The following ZMYM1 variants were observed in gnomAD, a reference collection of about 807,000 sequenced individuals.
ZMYM1 encodes the protein zinc finger MYM-type protein 1.
Under a neutral mutation model 60.0 loss-of-function variants are expected in ZMYM1, and 39 were observed. The observed-to-expected ratio is 0.65, with a 90% confidence interval of 0.50 to 0.85. The LOEUF is 0.85. Ranked by LOEUF, ZMYM1 falls within the 40% of genes least tolerant of loss-of-function variation. ZMYM1 has a pLI of 0.00. For missense variants in ZMYM1, 1,171 were observed against 1,309.5 expected (o/e 0.89, Z 1.63); for synonymous variants, 413 against 454.0 (o/e 0.91, Z 1.15).
intron 2 of ZMYM1, 64 bp from the exon 3 acceptor site, chr1:35,095,755 T>C: frequency 7.6e-7 from 1 of 1,319,082 alleles, no homozygotes; most frequent in South Asian, 1.4e-5. Flanking sequence ...TTCTGTTGAA[T>C]GACTGGTTGT....
At chr1:35,108,237 T>A (rs559447805) in intron 6 of ZMYM1, among the ~76,000 whole-genome samples, 13 of 152,264 alleles carry the variant, frequency 8.5e-5, no homozygotes, top group African/African-American at 3.1e-4. Flanking sequence ...AAAATAGAAA[T>A]TTTCGAAATT....
intron 1 of ZMYM1, among the ~76,000 whole-genome samples, chr1:35,092,825 A>G (rs1171986471): frequency 1.3e-5 from 2 of 151,412 alleles, no homozygotes; most frequent in Non-Finnish European, 2.9e-5. Context: ...GGATTTCAGC[A>G]TGTTGACCAG....
chr1:35,111,829 A>G lies in ZMYM1; in HGVS notation c.1019A>G (p.Asp340Gly), dbSNP rs772994640. 1 of 1,609,034 alleles carries G rather than the reference A, an allele frequency of 6.2e-7. No individual in the cohort carries two copies. ...ACAGAGCTTCTTTCTCCAAAGAAAG[A>G]TACGACTCCAGTTATAAGCAATATA... ...TSTELLSPKK[D>G]TTPVISNIVS... is the part of the protein sequence containing the mutation. Residue 340 changes from aspartate to glycine, a missense_variant, in exon 8 of 10, where the codon GAT (aspartate) becomes GGT (glycine). By Grantham distance (94) the Asp-to-Gly change is moderately conservative. Coordinates refer to ENST00000359858, the MANE Select transcript of ZMYM1 (RefSeq NM_024772.5).
chr1:35,083,881 G>A (rs1359923255), intron 1 of ZMYM1, among the ~76,000 whole-genome samples: 2 of 152,174 alleles, frequency 1.3e-5, no homozygotes, highest in Non-Finnish European at 2.9e-5. Flanking sequence ...GCTTCCCAGA[G>A]TTCTGGGATT....
chr1:35,071,919 A>G (rs1642074581), intron 1 of ZMYM1, among the ~76,000 whole-genome samples: 1 of 152,122 alleles, frequency 6.6e-6, no homozygotes, highest in African/African-American at 2.4e-5. Flanking sequence ...CGGGCAGATC[A>G]TCTGAGGTCA....
Position 35,114,661 on chromosome 1 carries a change from C to A in ZMYM1, c.2831C>A (p.Ser944Ter). 6.3e-7 allele frequency: 1 copy of A among 1,595,522 alleles called. No homozygotes were observed. The highest frequency in any genetic ancestry group is 1.2e-5 in the South Asian group (1 of 86,496). ...CAGAAAAGAAGAAAAATTCAGAAATCAGTAGATCTTGGCAATTCAGATAAT... is the reference window on the plus strand; with the variant it reads ...CAGAAAAGAAGAAAAATTCAGAAATAAGTAGATCTTGGCAATTCAGATAAT... ...SLQKRRKIQK[S>*]VDLGNSDNMF... Residue 944 changes from serine to a stop codon, truncating the protein, a stop_gained, in exon 10 of 10, where the codon TCA (serine) becomes TAA (stop). Transcript: ENST00000359858. LOFTEE classifies it low-confidence loss of function (END_TRUNC).
At chr1:35,116,835 A>ATTTTTTTTTTTTTTTTTT (rs10671957), downstream of ZMYM1, among the ~76,000 whole-genome samples, 2 of 88,936 alleles carry the variant, frequency 2.2e-5, 1 homozygote, top group African/African-American at 9.2e-5. Context: ...TAGGCCTGGA[A>ATTTTTTTTTTTTTTTTTT]TTTTTTTTTT....
At chr1:35,107,989 A>G (rs183619306) in intron 6 of ZMYM1, among the ~76,000 whole-genome samples, 22 of 152,188 alleles carry the variant, frequency 1.4e-4, no homozygotes, top group Non-Finnish European at 3.1e-4. Flanking sequence ...CACACCTAAT[A>G]ATCCCAGCTA....
downstream of ZMYM1, among the ~76,000 whole-genome samples, chr1:35,118,178 T>C (rs1185115625): frequency 4.0e-5 from 6 of 149,714 alleles, no homozygotes; most frequent in Non-Finnish European, 8.9e-5. Context: ...GAGGCAGAGG[T>C]TGCAGTGAGC....
rs778985156 is a variant in ZMYM1, at chr1:35,113,638, G to A, written c.1808G>A (p.Arg603Gln). The A allele has an allele frequency of 3.7e-6, 6 of 1,612,352 alleles. No homozygotes were observed. The highest frequency in any genetic ancestry group is 1.1e-5 in the South Asian group (1 of 90,446). Residue 603 changes from arginine to glutamine, a missense_variant, in exon 10 of 10, where the codon CGA becomes CAA. Transcript: ENST00000359858. Reference sequence around the variant, plus strand: ...AAAGATAAAGGAGAAGAAACATTTCGACTTATGAATTCACAAGTTGACTTC... The same window carrying A: ...AAAGATAAAGGAGAAGAAACATTTCAACTTATGAATTCACAAGTTGACTTC... ...RAKDKGEETF[R>Q]LMNSQVDFYN...
At chr1:35,111,296 G>A (rs1644078103) in intron 7 of ZMYM1, among the ~76,000 whole-genome samples, 1 of 152,184 alleles carries the variant, frequency 6.6e-6, no homozygotes, top group Admixed American at 6.5e-5. Context: ...ACCATAGAGT[G>A]ACTAATGCCT....
intron 1 of ZMYM1, among the ~76,000 whole-genome samples, chr1:35,071,876 T>C (rs1486204495): frequency 6.6e-6 from 1 of 152,234 alleles, no homozygotes; most frequent in Non-Finnish European, 1.5e-5. Context: ...CAGTGGCTCA[T>C]GCCGGTAATC....
In ZMYM1 at chr1:35,114,950, A is replaced by G. The variant is rs1190841356; in HGVS notation, c.3120A>G (p.Ile1040Met). 3 of 1,613,862 alleles carry G rather than the reference A, an allele frequency of 1.9e-6. No homozygotes were observed. The highest frequency in any genetic ancestry group is 3.3e-5 in the Admixed American group (2 of 60,006). Reference protein sequence around the residue: ...YRHYAKLNFVIDDSCINFVSL... With the variant: ...YRHYAKLNFVMDDSCINFVSL... ...ATTATGCAAAGCTTAACTTTGTCAT[A>G]GATGATAGTTGCATAAACTTCGTCA... The change falls in exon 10 of 10, where the codon ATA (isoleucine) becomes ATG (methionine). Residue 1040 changes from isoleucine to methionine, a missense_variant. By Grantham distance (10) the Ile-to-Met change is conservative (BLOSUM62 1). Transcript: ENST00000359858.
intron 6 of ZMYM1, 65 bp from the exon 7 acceptor site, chr1:35,110,229 G>A: frequency 2.5e-6 from 3 of 1,205,752 alleles, no homozygotes; most frequent in Non-Finnish European, 3.3e-6. Flanking sequence ...AGTGGTAATA[G>A]GTTCTTCTTC....
rs372392950 is a variant in ZMYM1 at position 35,114,128 on chromosome 1, T to G, written c.2298T>G (p.Ser766Arg). ...RFCKEVKELR[S>R]ALKTLSSLFN... ...GTAAAGAAGTAAAAGAACTCCGAAG[T>G]GCTCTAAAAACTCTCAGTTCTTTGT... Residue 766 changes from serine to arginine, a missense_variant, in exon 10 of 10, where the codon AGT becomes AGG. Transcript: ENST00000359858. The G allele has an allele frequency of 6.2e-7, 1 of 1,611,318 alleles. No individual in the cohort carries two copies. Among genetic ancestry groups the G allele is most frequent in the Non-Finnish European group, 8.5e-7 (1 of 1,179,318 alleles).
intron 6 of ZMYM1, among the ~76,000 whole-genome samples, chr1:35,107,206 A>G (rs991323495): frequency 6.9e-6 from 1 of 145,826 alleles, no homozygotes; most frequent in Non-Finnish European, 1.5e-5. Flanking sequence ...CACGCCTGTA[A>G]TCCCAGCACT....
At position 35,113,059 on chromosome 1, in the gene ZMYM1, C is replaced by T. The variant is rs776548271; in HGVS notation, c.1229C>T (p.Ser410Leu). Residue 410 changes from serine to leucine, a missense_variant, in exon 10 of 10, where the codon TCA becomes TTA. Ser to Leu is a moderately radical substitution (Grantham distance 145). Coordinates refer to ENST00000359858, the MANE Select transcript of ZMYM1 (RefSeq NM_024772.5). Reference sequence around the variant, plus strand: ...CAGCCAAGCGTTTCACCATCTTCATCAGTATTCAGTCAGCATGCAATTGGT... The same window carrying T: ...CAGCCAAGCGTTTCACCATCTTCATTAGTATTCAGTCAGCATGCAATTGGT... ...TEQPSVSPSS[S>L]VFSQHAIGSS... 3.4e-5 allele frequency: 55 copies of T among 1,613,736 alleles called. No homozygotes were observed. The highest frequency in any genetic ancestry group is 4.0e-5 in the African/African-American group (3 of 74,908).
chr1:35,082,127 T>A (rs1642418138), intron 1 of ZMYM1, among the ~76,000 whole-genome samples: 1 of 152,362 alleles, frequency 6.6e-6, no homozygotes, highest in Middle Eastern at 3.4e-3. Flanking sequence ...TATTTTTTCT[T>A]GCTTTATTGA....
At chr1:35,069,435 T>C (rs1455932981) in intron 1 of ZMYM1, among the ~76,000 whole-genome samples, 3 of 152,214 alleles carry the variant, frequency 2.0e-5, no homozygotes, top group Non-Finnish European at 4.4e-5. Flanking sequence ...TAAAATCAGA[T>C]TATCTGTTTT....
Sources: gnomAD v4.1 joint callset for allele counts (sites outside exome capture counted in the v4.1 genomes callset) on GRCh38, gnomAD v4.1.1 for gene constraint, MANE v1.5 for transcripts, NCBI Gene and HGNC (gene_info 2026-07-23, HGNC 2026-07-21) for gene names.